MLANA: variants seen among roughly 807,000 people sequenced by gnomAD.
The protein encoded by MLANA is melanoma antigen recognized by T-cells 1.
Under a neutral mutation model 15.7 loss-of-function variants are expected in MLANA, and 21 were observed. That is an observed-to-expected ratio of 1.33 (90% CI 0.95 to 1.92). The LOEUF (loss-of-function observed/expected upper bound fraction) is 1.92, where lower values mean the gene tolerates loss of function less well. Among genes scored for constraint, MLANA ranks in the 40% most tolerant of loss-of-function variants. MLANA has a pLI of 0.00. For synonymous variants in MLANA, 56 were observed against 51.5 expected (o/e 1.09, Z -0.37); for missense variants, 164 against 143.8 (o/e 1.14, Z -0.72).
chr9:5,900,697 C>A (rs2129946233), intron 3 of MLANA, among the ~76,000 whole-genome samples: 1 of 152,276 alleles, frequency 6.6e-6, no homozygotes, highest in Middle Eastern at 3.4e-3. Flanking sequence ...CTTAAAATTT[C>A]TCCCTTGGTT....
In MLANA at chr9:5,909,764, G is replaced by C. The variant is rs1409000194; in HGVS notation, c.*1056G>C. The C allele has an allele frequency of 6.6e-6, 1 of 152,158 alleles. No individual in the cohort carries two copies. Among genetic ancestry groups the C allele is most frequent in the African/African-American group, 2.4e-5 (1 of 41,424 alleles). The allele number at this position is 152,158 out of a possible 1,614,324, so 9.4% of individuals were successfully genotyped here. A position where few individuals can be genotyped will look rare whatever the true frequency, so the allele number is the denominator to read the frequency against. ...ACCTATGGCAATTTAGCTCTCTTGG[G>C]TTCCCAAATCCCTCTCACAAGAATG... On this transcript the variant is annotated 3_prime_UTR_variant, in exon 5 of 5. Transcript: ENST00000381477.
At chr9:5,906,835 G>T in intron 3 of MLANA, 50 bp from the exon 4 acceptor site, 4 of 1,217,778 alleles carry the variant, frequency 3.3e-6, no homozygotes, top group South Asian at 1.6e-5. Flanking sequence ...TTCTTTAATG[G>T]ATTCAGTTAC....
intron 3 of MLANA, chr9:5,898,064 T>G: frequency 5.9e-6 from 1 of 170,298 alleles, no homozygotes; most frequent in Non-Finnish European, 1.3e-5. Flanking sequence ...ACTCATTTTT[T>G]TTTTTTCTTG....
intron 3 of MLANA, among the ~76,000 whole-genome samples, chr9:5,897,922 C>A (rs1271099873): frequency 6.6e-6 from 1 of 152,142 alleles, no homozygotes; most frequent in Admixed American, 6.5e-5. Context: ...AAATGAAATT[C>A]ATTTGGTTTA....
In MLANA at chr9:5,894,027, C is replaced by T. The variant is rs1289557293; in HGVS notation, c.77+1476C>T. 6.6e-6 allele frequency among the ~76,000 whole-genome samples: 1 copy of T among 151,826 alleles called. No individual in the cohort carries two copies. On this transcript the variant is annotated intron_variant, in intron 2 of 4. Transcript: ENST00000381477. This position sits in a 1 kb window ranked among gnomAD's most constrained non-coding sequence, Gnocchi z 4.0. Reference sequence around the variant, plus strand: ...ACATGGTGGCGCTGGGATTTAAATCCAGGTCTGTTTGCCTCCAGAGTCCAT... The same window carrying T: ...ACATGGTGGCGCTGGGATTTAAATCTAGGTCTGTTTGCCTCCAGAGTCCAT...
intron 3 of MLANA, 22 bp from the exon 4 acceptor site, chr9:5,906,863 C>G (rs774129856): frequency 6.8e-7 from 1 of 1,477,786 alleles, no homozygotes; most frequent in South Asian, 1.3e-5. Flanking sequence ...CACCCACTCA[C>G]CTTTATCAAT....
chr9:5,897,615 T>A lies in MLANA; in HGVS notation c.136T>A (p.Trp46Arg). The A allele has an allele frequency of 6.2e-7, 1 of 1,614,120 alleles. No individual in the cohort carries two copies. Among genetic ancestry groups the A allele is most frequent in the Non-Finnish European group, 8.5e-7 (1 of 1,179,950 alleles). ...GGGAGTCTTACTGCTCATCGGCTGT[T>A]GGTATTGTAGAAGACGAAATGGATA... ...ILGVLLLIGC[W>R]YCRRRNGYRA... Residue 46 changes from tryptophan to arginine, a missense_variant, in exon 3 of 5, where the codon TGG becomes AGG. Coordinates refer to ENST00000381477, the MANE Select transcript of MLANA (RefSeq NM_005511.2).
intron 3 of MLANA, among the ~76,000 whole-genome samples, chr9:5,905,622 A>C (rs1243319745): frequency 6.6e-6 from 1 of 152,234 alleles, no homozygotes; most frequent in Non-Finnish European, 1.5e-5. Context: ...ACTGACTTCA[A>C]GTCTTAAGAC....
chr9:5,905,380 C>G (rs544475984), intron 3 of MLANA, among the ~76,000 whole-genome samples: 31 of 152,298 alleles, frequency 2.0e-4, no homozygotes, highest in Admixed American at 8.5e-4. Flanking sequence ...TTAGGTACAA[C>G]TGACCAGCAT....
chr9:5,900,702 T>C (rs1832355976), intron 3 of MLANA, among the ~76,000 whole-genome samples: 1 of 152,198 alleles, frequency 6.6e-6, no homozygotes, highest in Non-Finnish European at 1.5e-5. Context: ...AATTTCTCCC[T>C]TGGTTAACAA....
At chr9:5,903,863 CT>C (rs770865430) in intron 3 of MLANA, among the ~76,000 whole-genome samples, 96 of 146,740 alleles carry the variant, frequency 6.5e-4, no homozygotes, top group East Asian at 1.4e-3. Flanking sequence ...TATGCACTTA[CT>C]TTTTTTTTTT....
At position 5,894,741 on chromosome 9, in the gene MLANA, C is replaced by A. The variant is rs560539914; in HGVS notation, c.77+2190C>A. Among the ~76,000 whole-genome samples, 1 of 152,308 alleles carries A rather than the reference C, an allele frequency of 6.6e-6. No individual in the cohort carries two copies. Among genetic ancestry groups the A allele is most frequent in the Non-Finnish European group, 1.5e-5 (1 of 68,038 alleles). ...GCCAGAAGCACACTGGAAGGAGCTGCTCCTTCTTGATGCCCCAGGTTTGTA... is the reference window on the plus strand; with the variant it reads ...GCCAGAAGCACACTGGAAGGAGCTGATCCTTCTTGATGCCCCAGGTTTGTA... On this transcript the variant is annotated intron_variant, in intron 2 of 4. Coordinates refer to ENST00000381477, the MANE Select transcript of MLANA (RefSeq NM_005511.2). This position sits in a 1 kb window ranked among gnomAD's most constrained non-coding sequence, Gnocchi z 4.0.
At chr9:5,906,753 T>A (rs1190162165) in intron 3 of MLANA, 132 bp from the exon 4 acceptor site, 1 of 560,478 alleles carries the variant, frequency 1.8e-6, no homozygotes, top group African/African-American at 2.0e-5. Flanking sequence ...GTGATGAGAC[T>A]GAAGGCACAC....
intron 3 of MLANA, chr9:5,899,226 C>G (rs1832254017): frequency 6.6e-6 from 1 of 152,146 alleles, no homozygotes; most frequent in South Asian, 2.1e-4. Flanking sequence ...ATTCCTCATT[C>G]AGCAAGCACT....
chr9:5,897,170 T>C (rs967436530), intron 2 of MLANA, among the ~76,000 whole-genome samples: 3 of 152,264 alleles, frequency 2.0e-5, no homozygotes, highest in Non-Finnish European at 4.4e-5. Flanking sequence ...TGTTAATTTC[T>C]ATTTTCTCTT....
At position 5,892,398 on chromosome 9, in the gene MLANA, G is replaced by C. The variant is rs962864021; in HGVS notation, c.-25-52G>C. On this transcript the variant is annotated intron_variant, in intron 1 of 4. Transcript: ENST00000381477. ...CTGTTGTGGGTCTTTATGAGATGAT[G>C]AATAGGGTGGCTTTGGATGCATTAA... The C allele has an allele frequency of 8.2e-6, 11 of 1,337,142 alleles. No homozygotes were observed. The African/African-American group carries it at 1.5e-4, about 18-fold the overall frequency. The allele number at this position is 1,337,142 out of a possible 1,614,324, so 82.8% of individuals were successfully genotyped here.
rs978322730 is a variant in MLANA at position 5,909,535 on chromosome 9, G to C, written c.*827G>C. 6.6e-6 allele frequency: 1 copy of C among 152,312 alleles called. No individual in the cohort carries two copies. Among genetic ancestry groups the C allele is most frequent in the African/African-American group, 2.4e-5 (1 of 41,462 alleles). The allele number at this position is 152,312 out of a possible 1,614,324, so 9.4% of individuals were successfully genotyped here. Reference sequence around the variant, plus strand: ...AGCCTCCCAAAGTGCTGGAATTACAGGCGTGAGCCACCACGCCTGGCTGGA... The same window carrying C: ...AGCCTCCCAAAGTGCTGGAATTACACGCGTGAGCCACCACGCCTGGCTGGA... On this transcript the variant is annotated 3_prime_UTR_variant, in exon 5 of 5. Transcript: ENST00000381477.
chr9:5,908,966 T>G lies in MLANA; in HGVS notation c.*258T>G, dbSNP rs773606117. On this transcript the variant is annotated 3_prime_UTR_variant, in exon 5 of 5. Coordinates refer to ENST00000381477, the MANE Select transcript of MLANA (RefSeq NM_005511.2). ...ATACTATCTGTGCCAGAGGTAATGT[T>G]AGTAAATCCATGGTGTTATTTTCTG... 15 of 411,718 alleles carry G rather than the reference T, an allele frequency of 3.6e-5. No homozygotes were observed. Among genetic ancestry groups the G allele is most frequent in the Non-Finnish European group, 3.5e-5 (8 of 231,400 alleles). The allele number at this position is 411,718 out of a possible 1,614,324, so 25.5% of individuals were successfully genotyped here. A position where few individuals can be genotyped will look rare whatever the true frequency, so the allele number is the denominator to read the frequency against.
intron 3 of MLANA, among the ~76,000 whole-genome samples, chr9:5,900,477 G>C (rs1586940340): frequency 6.6e-6 from 1 of 152,112 alleles, no homozygotes; most frequent in African/African-American, 2.4e-5. Flanking sequence ...ATGTAAAATA[G>C]TGCATTAAGT....
Sources: gnomAD v4.1 joint callset for allele counts (sites outside exome capture counted in the v4.1 genomes callset) on GRCh38, gnomAD v4.1.1 for gene constraint, Gnocchi (gnomAD v3.1) non-coding constraint, MANE v1.5 for transcripts, NCBI Gene and HGNC (gene_info 2026-07-23, HGNC 2026-07-21) for gene names.